The following ARL15 variants were observed in gnomAD, a reference collection of about 807,000 sequenced individuals.
ARL15 encodes the protein ADP-ribosylation factor-like protein 15.
ARL15 carries 19 observed loss-of-function variants against 25.2 expected under a neutral mutation model. That is an observed-to-expected ratio of 0.75 (90% CI 0.53 to 1.10). ARL15 has a LOEUF of 1.10. Among genes scored for constraint, ARL15 ranks in the 50% least tolerant of loss-of-function variants. The pLI is 0.00. For missense variants in ARL15, 220 were observed against 246.0 expected (o/e 0.89, Z 0.71); for synonymous variants, 94 against 86.8 (o/e 1.08, Z -0.46).
At chr5:54,172,044 T>TA in intron 1 of ARL15, 116 bp from the exon 2 acceptor site, 1 of 1,267,134 alleles carries the variant, frequency 7.9e-7, no homozygotes. Context: ...GTATTACCTA[T>TA]AAGGAAGAAA....
chr5:53,973,447 G>T (rs1055667307), intron 4 of ARL15, among the ~76,000 whole-genome samples: 1 of 151,844 alleles, frequency 6.6e-6, no homozygotes, highest in Non-Finnish European at 1.5e-5. Context: ...GGTGGCGGGC[G>T]CCTGTAATTC....
At chr5:54,069,093 T>C (rs948436288) in intron 4 of ARL15, among the ~76,000 whole-genome samples, 2 of 152,234 alleles carry the variant, frequency 1.3e-5, no homozygotes, top group African/African-American at 2.4e-5. Flanking sequence ...AGTGAAAATA[T>C]ATTTTTTTAA....
At chr5:53,914,915 A>G (rs1201135220) in intron 4 of ARL15, among the ~76,000 whole-genome samples, 1 of 152,018 alleles carries the variant, frequency 6.6e-6, no homozygotes, top group Non-Finnish European at 1.5e-5. Context: ...GGTTCAAGCA[A>G]TTCTCCTGCC....
At chr5:54,105,300 T>C (rs1214594886) in intron 4 of ARL15, among the ~76,000 whole-genome samples, 1 of 151,948 alleles carries the variant, frequency 6.6e-6, no homozygotes, top group East Asian at 1.9e-4. Flanking sequence ...CTTTGTTGAA[T>C]GAGGATTAAT....
At chr5:53,927,814 A>G (rs893354548) in intron 4 of ARL15, among the ~76,000 whole-genome samples, 4 of 152,198 alleles carry the variant, frequency 2.6e-5, no homozygotes, top group Admixed American at 6.5e-5. Flanking sequence ...CAGCAACTCA[A>G]GGCAGCCTGT....
intron 4 of ARL15, among the ~76,000 whole-genome samples, chr5:54,097,785 C>A (rs1752331771): frequency 6.6e-6 from 1 of 152,138 alleles, no homozygotes. Flanking sequence ...AACTTTAAAA[C>A]CTAATTTGGT....
At chr5:54,090,113 T>C (rs900320905) in intron 4 of ARL15, among the ~76,000 whole-genome samples, 1 of 152,190 alleles carries the variant, frequency 6.6e-6, no homozygotes, top group African/African-American at 2.4e-5. Context: ...AAATGTTACA[T>C]TCATTAACAT....
intron 1 of ARL15, among the ~76,000 whole-genome samples, chr5:54,254,946 G>A (rs1246377151): frequency 1.3e-5 from 2 of 152,168 alleles, no homozygotes; most frequent in Non-Finnish European, 2.9e-5. Flanking sequence ...TCACAGCTCC[G>A]TGCTGTGCTT....
intron 1 of ARL15, among the ~76,000 whole-genome samples, chr5:54,185,142 TATTA>T (rs2112442269): frequency 6.6e-6 from 1 of 152,206 alleles, no homozygotes; most frequent in African/African-American, 2.4e-5. Flanking sequence ...TTGATAATAA[TATTA>T]ATTATTATTT....
At chr5:54,004,789 C>CTGTGTG (rs60269500) in intron 4 of ARL15, among the ~76,000 whole-genome samples, 64 of 149,456 alleles carry the variant, frequency 4.3e-4, no homozygotes, top group African/African-American at 1.5e-3. Context: ...GTGTGTGTGC[C>CTGTGTG]TGTGTGTGTG....
chr5:54,241,642 T>C (rs750702674), intron 1 of ARL15, among the ~76,000 whole-genome samples: 13 of 152,124 alleles, frequency 8.5e-5, no homozygotes, highest in Non-Finnish European at 1.0e-4. Flanking sequence ...CTCATGAGAG[T>C]AGGTCATCTT....
At chr5:54,166,091 G>T (rs529140670) in intron 2 of ARL15, among the ~76,000 whole-genome samples, 1 of 152,118 alleles carries the variant, frequency 6.6e-6, no homozygotes, top group African/African-American at 2.4e-5. Flanking sequence ...GACCCAGCCA[G>T]TTACACACAA....
intron 3 of ARL15, among the ~76,000 whole-genome samples, chr5:54,141,421 A>C (rs1251454317): frequency 1.3e-5 from 2 of 152,148 alleles, no homozygotes; most frequent in Non-Finnish European, 2.9e-5. Flanking sequence ...TTCATTGGAA[A>C]GCAATCCAAG....
intron 1 of ARL15, among the ~76,000 whole-genome samples, chr5:54,271,453 C>T (rs1378848721): frequency 6.6e-6 from 1 of 152,106 alleles, no homozygotes; most frequent in East Asian, 1.9e-4. Flanking sequence ...TGATACAATA[C>T]AAATGCTATG....
intron 4 of ARL15, among the ~76,000 whole-genome samples, chr5:53,993,905 C>T (rs1748584271): frequency 6.6e-6 from 1 of 152,166 alleles, no homozygotes; most frequent in South Asian, 2.1e-4. Flanking sequence ...CAGCAAGTCA[C>T]AGAACCTTAT....
chr5:54,279,212 TTG>T (rs1427998581), intron 1 of ARL15, among the ~76,000 whole-genome samples: 1 of 97,918 alleles, frequency 1.0e-5, no homozygotes, highest in African/African-American at 4.9e-5. Context: ...GAGTTTGTTT[TTG>T]TTTTTTTTTT....
rs147233136 is a variant in ARL15, at chr5:54,049,673, T to A, written c.462+63529A>T. Among the ~76,000 whole-genome samples, 48 of 152,152 alleles carry A rather than the reference T, an allele frequency of 3.2e-4. 1 individual carries two copies. The highest frequency in any genetic ancestry group is 1.3e-3 in the Admixed American group (20 of 15,274). ...TGGAGTGCAGTGACACAATCTCGGC[T>A]CACTACAACCTCTGCCTCCCAGACT... On this transcript the variant is annotated intron_variant, in intron 4 of 4. Coordinates refer to ENST00000504924, the MANE Select transcript of ARL15 (RefSeq NM_019087.3).
At chr5:54,260,534 C>T (rs944761331) in intron 1 of ARL15, among the ~76,000 whole-genome samples, 1 of 152,158 alleles carries the variant, frequency 6.6e-6, no homozygotes, top group Non-Finnish European at 1.5e-5. Context: ...TCAAAGACCA[C>T]AATGCTCCAA....
chr5:54,308,165 G>C (rs970319538), intron 1 of ARL15, among the ~76,000 whole-genome samples: 6 of 152,124 alleles, frequency 3.9e-5, no homozygotes, highest in Non-Finnish European at 8.8e-5. Flanking sequence ...ACACAAAAAG[G>C]CTACCTCGGG....
Sources: allele counts gnomAD v4.1 joint callset (sites outside exome capture counted in the v4.1 genomes callset), GRCh38; gene constraint gnomAD v4.1.1; transcripts MANE v1.5; gene names NCBI Gene and HGNC (gene_info 2026-07-23, HGNC 2026-07-21).